SLC14A2: variants seen among roughly 807,000 people sequenced by gnomAD.
SLC14A2 encodes solute carrier family 14 member 2, also known as urea transporter 2.
In SLC14A2, 91 loss-of-function variants were observed where a neutral mutation model predicts 104.6. That is an observed-to-expected ratio of 0.87 (90% confidence interval 0.73 to 1.04). The LOEUF is 1.04. Ranked by LOEUF, SLC14A2 falls within the 50% of genes least tolerant of loss-of-function variation. SLC14A2 has a pLI of 0.00. For missense variants in SLC14A2, 1,189 were observed against 1,156.0 expected (o/e 1.03, Z -0.41); for synonymous variants, 476 against 466.4 (o/e 1.02, Z -0.27).
the SLC14A2 span, among the ~76,000 whole-genome samples, chr18:45,197,875 A>C: frequency 6.6e-6 from 1 of 152,190 alleles, no homozygotes; most frequent in Admixed American, 6.5e-5. Context: ...GAACCTCTCC[A>C]GGGTAAATTG....
chr18:45,212,625 C>G (rs1028794199), upstream of SLC14A2, among the ~76,000 whole-genome samples: 2 of 152,148 alleles, frequency 1.3e-5, no homozygotes, highest in Non-Finnish European at 2.9e-5. Flanking sequence ...TCTATATAAT[C>G]TAACGCACAT....
chr18:45,638,735 T>C (rs1442064466), intron 6 of SLC14A2, among the ~76,000 whole-genome samples: 1 of 152,220 alleles, frequency 6.6e-6, no homozygotes, highest in African/African-American at 2.4e-5. Flanking sequence ...ACAGAGGTCA[T>C]GTGACCTGGC....
At chr18:45,404,062 G>A (rs917921543) in intron 1 of SLC14A2, among the ~76,000 whole-genome samples, 2 of 152,136 alleles carry the variant, frequency 1.3e-5, no homozygotes, top group African/African-American at 4.8e-5. Flanking sequence ...CCCATCTTTA[G>A]CTGGTTAACT....
chr18:45,194,132 T>C, the SLC14A2 span, among the ~76,000 whole-genome samples: 1 of 152,242 alleles, frequency 6.6e-6, no homozygotes, highest in Non-Finnish European at 1.5e-5. Flanking sequence ...GAAATGATCA[T>C]ATCATCAGTG....
Position 45,332,064 on chromosome 18 carries a change from G to T in SLC14A2, c.-125+118873G>T, listed in dbSNP as rs140832117. On this transcript the variant is annotated intron_variant, in intron 1 of 20. Coordinates refer to the SLC14A2 transcript ENST00000586448. ...AAATCCTGTCCCCTTCAAAATCCATGTCTACTCTTATCTCTCTTCTAAAAC... is the reference window on the plus strand; with the variant it reads ...AAATCCTGTCCCCTTCAAAATCCATTTCTACTCTTATCTCTCTTCTAAAAC... Among the ~76,000 whole-genome samples, 525 of 152,250 alleles carry T rather than the reference G, an allele frequency of 3.4e-3. 3 individuals are homozygous for T. Among genetic ancestry groups the T allele is most frequent in the African/African-American group, 0.012 (484 of 41,542 alleles).
chr18:45,626,940 G>T lies in SLC14A2; in HGVS notation c.332-18G>T. On this transcript the variant is annotated intron_variant, in intron 3 of 19. Transcript: ENST00000255226. ...CCCAAGCTGGACCTGCTGATGGCTC[G>T]CTCTCTGTCTCTTTCAGACAAGCAC... is the stretch of plus-strand genomic sequence containing the variant. The T allele has an allele frequency of 1.3e-6, 2 of 1,599,772 alleles. No individual in the cohort carries two copies. The highest frequency in any genetic ancestry group is 1.7e-6 in the Non-Finnish European group (2 of 1,171,228).
chr18:45,194,877 C>T, the SLC14A2 span, among the ~76,000 whole-genome samples: 4 of 152,178 alleles, frequency 2.6e-5, no homozygotes, highest in African/African-American at 4.8e-5. Flanking sequence ...ATCTCCCGAC[C>T]TCGTGATCTG....
intron 2 of SLC14A2, among the ~76,000 whole-genome samples, chr18:45,553,470 T>G (rs1297394969): frequency 6.6e-6 from 1 of 152,174 alleles, no homozygotes; most frequent in Non-Finnish European, 1.5e-5. Context: ...GAGCAGGGAT[T>G]CCTAACTTAG....
chr18:45,317,257 G>A (rs181123060), intron 1 of SLC14A2, among the ~76,000 whole-genome samples: 5 of 152,320 alleles, frequency 3.3e-5, no homozygotes, highest in Admixed American at 3.3e-4. Flanking sequence ...GAAATAGATA[G>A]TGAAGACATG....
the SLC14A2 span, among the ~76,000 whole-genome samples, chr18:45,182,068 T>C: frequency 2.1e-5 from 3 of 142,998 alleles, no homozygotes; most frequent in African/African-American, 4.9e-5. Flanking sequence ...TTTTGTTTAT[T>C]AAGCAATAAG....
At chr18:45,586,962 G>GAA (rs575631605) in intron 2 of SLC14A2, among the ~76,000 whole-genome samples, 50 of 148,756 alleles carry the variant, frequency 3.4e-4, no homozygotes, top group African/African-American at 1.2e-3. Flanking sequence ...GTCCTTACTA[G>GAA]AAAAAAAAAA....
chr18:45,258,734 T>C lies in SLC14A2; in HGVS notation c.-125+45543T>C, dbSNP rs571844043. Among the ~76,000 whole-genome samples, 5 of 144,078 alleles carry C rather than the reference T, an allele frequency of 3.5e-5. 1 individual carries two copies. In the East Asian group the frequency reaches 9.8e-4, roughly 28 times the overall value. The allele number at this position is 144,078 out of a possible 152,430, so 94.5% of individuals were successfully genotyped here. ...CATCCACGTGGTCCTTTGCAGTTTGTAAATGCTTTGACCAGTACTGAGATC... is the reference window on the plus strand; with the variant it reads ...CATCCACGTGGTCCTTTGCAGTTTGCAAATGCTTTGACCAGTACTGAGATC... On this transcript the variant is annotated intron_variant, in intron 1 of 20. Transcript: ENST00000586448.
chr18:45,533,057 C>T (rs2043722972), intron 2 of SLC14A2, among the ~76,000 whole-genome samples: 1 of 152,108 alleles, frequency 6.6e-6, no homozygotes, highest in South Asian at 2.1e-4. Flanking sequence ...CCCACTTGAT[C>T]ATGGTGGATA....
chr18:45,647,040 A>G (rs560498749), intron 10 of SLC14A2: 1 of 152,188 alleles, frequency 6.6e-6, no homozygotes, highest in African/African-American at 2.4e-5. Context: ...TTCCTATCTC[A>G]CCCATCTTCC....
the SLC14A2 span, among the ~76,000 whole-genome samples, chr18:45,198,338 A>G: frequency 1.3e-5 from 2 of 152,106 alleles, no homozygotes; most frequent in Non-Finnish European, 2.9e-5. Flanking sequence ...TGGACCCCTC[A>G]CCCAATACTC....
At chr18:45,506,303 C>T (rs563581036) in intron 2 of SLC14A2, among the ~76,000 whole-genome samples, 1 of 152,304 alleles carries the variant, frequency 6.6e-6, no homozygotes, top group Non-Finnish European at 1.5e-5. Context: ...TCCACAGAGC[C>T]TTCTTCTAGT....
At chr18:45,672,198 G>A (rs183084076) in intron 16 of SLC14A2, among the ~76,000 whole-genome samples, 3 of 152,152 alleles carry the variant, frequency 2.0e-5, no homozygotes, top group Admixed American at 2.0e-4. Flanking sequence ...CCATTTTTTT[G>A]TCTAATATTT....
At position 45,523,353 on chromosome 18, in the gene SLC14A2, G is replaced by A. The variant is rs2043544083; in HGVS notation, c.-35+40031G>A. Among the ~76,000 whole-genome samples, 3 of 151,604 alleles carry A rather than the reference G, an allele frequency of 2.0e-5. No individual in the cohort carries two copies. In the South Asian group the frequency reaches 6.2e-4, roughly 32 times the overall value. On this transcript the variant is annotated intron_variant, in intron 2 of 20. Coordinates refer to the SLC14A2 transcript ENST00000586448. ...TTTCTTTGTTTGTTTGTTTTGAGAT[G>A]GAATCTCACTCTGTCACCCAGGCTG...
intron 2 of SLC14A2, among the ~76,000 whole-genome samples, chr18:45,553,551 G>C (rs945831734): frequency 6.6e-6 from 1 of 152,178 alleles, no homozygotes; most frequent in Non-Finnish European, 1.5e-5. Flanking sequence ...CTGTGAGTGG[G>C]GTGAGGGTGT....
Sources: allele counts gnomAD v4.1 joint callset (sites outside exome capture counted in the v4.1 genomes callset), GRCh38; gene constraint gnomAD v4.1.1; transcripts MANE v1.5; gene names NCBI Gene and HGNC (gene_info 2026-07-23, HGNC 2026-07-21).